The following TRIM10 variants were observed in gnomAD, a reference collection of about 807,000 sequenced individuals.
TRIM10 encodes the protein tripartite motif-containing protein 10.
A neutral mutation model predicts 40.0 loss-of-function variants in TRIM10; 42 were observed. The observed-to-expected ratio is 1.05, with a 90% CI of 0.82 to 1.36. TRIM10 has a LOEUF of 1.36. Among genes scored for constraint, TRIM10 ranks in the 40% most tolerant of loss-of-function variants. TRIM10 has a pLI of 0.00. For missense variants in TRIM10, 601 were observed against 608.3 expected, an observed-to-expected ratio of 0.99 and a Z score of 0.13; for synonymous variants, 260 against 239.5, an observed-to-expected ratio of 1.09 and a Z score of -0.79.
chr6:30,153,721 T>C lies in TRIM10; in HGVS notation c.*248A>G. 6.2e-7 allele frequency: 1 copy of C among 1,612,932 alleles called. No homozygotes were observed. Among genetic ancestry groups the C allele is most frequent in the East Asian group, 2.2e-5 (1 of 44,876 alleles). Reference sequence around the variant, plus strand: ...CTACTTCTGTGCCAAGCACGGATGGTGGTGAGCAGAACTGGCAGCAGCCTG... The same window carrying C: ...CTACTTCTGTGCCAAGCACGGATGGCGGTGAGCAGAACTGGCAGCAGCCTG... On this transcript the variant is annotated 3_prime_UTR_variant, in exon 7 of 7. Coordinates refer to ENST00000449742, the MANE Select transcript of TRIM10 (RefSeq NM_006778.4).
upstream of TRIM10, chr6:30,163,676 G>A (rs778954130): frequency 1.1e-5 from 17 of 1,593,172 alleles, 1 homozygote; most frequent in South Asian, 1.9e-4. Flanking sequence ...GGCTGGGGAA[G>A]GCACCGTGAT....
At position 30,156,040 on chromosome 6, in the gene TRIM10, C is replaced by T. The variant is rs373366291; in HGVS notation, c.896-281G>A. Among the ~76,000 whole-genome samples, 49 of 152,314 alleles carry T rather than the reference C, an allele frequency of 3.2e-4. 2 individuals carry two copies. In the East Asian group the frequency reaches 4.2e-3, roughly 13 times the overall value. On this transcript the variant is annotated intron_variant, in intron 5 of 6. Coordinates refer to ENST00000449742, the MANE Select transcript of TRIM10 (RefSeq NM_006778.4). ...GCTGCTGCTGGTGGGAGCCCCACTGCCCTAGCCCTGATCAAACAGGGACCA... is the reference window on the plus strand; with the variant it reads ...GCTGCTGCTGGTGGGAGCCCCACTGTCCTAGCCCTGATCAAACAGGGACCA...
rs367851231 is a variant in TRIM10 at position 30,156,929 on chromosome 6, G to A, written c.895+10C>T. 4.1e-3 allele frequency: 6,603 copies of A among 1,612,242 alleles called. 27 individuals carry two copies. The highest frequency in any genetic ancestry group is 5.1e-3 in the Non-Finnish European group (6,017 of 1,179,362). On this transcript the variant is annotated intron_variant, in intron 5 of 6. Transcript: ENST00000449742. ...CACCTGCGCTCTGTGGAGGCCTGGGGTTCTCTTACCCAGAAACATCTTCAT... is the reference window on the plus strand; with the variant it reads ...CACCTGCGCTCTGTGGAGGCCTGGGATTCTCTTACCCAGAAACATCTTCAT...
chr6:30,160,819 CT>C lies in TRIM10; in HGVS notation c.39del (p.Val14SerfsTer10). On this transcript the variant is annotated frameshift_variant, in exon 1 of 7. Coordinates refer to ENST00000449742, the MANE Select transcript of TRIM10 (RefSeq NM_006778.4). LOFTEE classifies it high-confidence loss of function. ...GTACCCTGACAGATGGGGCAGTTGA[CT>C]TCATCTGCCAGGCTGGTCACAGAGG... ...SAASVTSLADEVNCPICQGTL... is the reference protein window; with the variant it reads ...SAASVTSLADXVNCPICQGTL... 1 of 1,613,418 alleles carries C rather than the reference CT, an allele frequency of 6.2e-7. No homozygotes were observed. Among genetic ancestry groups the C allele is most frequent in the Non-Finnish European group, 8.5e-7 (1 of 1,179,946 alleles).
At chr6:30,154,608 C>G (rs1349083017) in intron 6 of TRIM10, 122 bp from the exon 7 acceptor site, 1 of 1,269,826 alleles carries the variant, frequency 7.9e-7, no homozygotes, top group Admixed American at 1.9e-5. Context: ...TGTATAGTGC[C>G]TACGTGGGCC....
chr6:30,159,114 G>A, intron 2 of TRIM10, 36 bp downstream of exon 2: 1 of 1,414,934 alleles, frequency 7.1e-7, no homozygotes, highest in Non-Finnish European at 1.0e-6. Flanking sequence ...GGACCCTGAG[G>A]AAGGGGAGGA....
At chr6:30,159,342 A>G (rs1581578044) in intron 1 of TRIM10, 97 bp from the exon 2 acceptor site, 1 of 805,980 alleles carries the variant, frequency 1.2e-6, no homozygotes, top group Non-Finnish European at 2.1e-6. Context: ...AAATGGCCCC[A>G]GGAGAGGAGT....
rs530257581 is a variant in TRIM10, at chr6:30,152,318, C to G, written c.*1651G>C. 3.1e-4 allele frequency: 47 copies of G among 150,372 alleles called. No homozygotes were observed. Among genetic ancestry groups the G allele is most frequent in the African/African-American group, 1.1e-3 (47 of 41,260 alleles). The allele number at this position is 150,372 out of a possible 1,614,324, so 9.3% of individuals were successfully genotyped here. A position where few individuals can be genotyped will look rare whatever the true frequency, so the allele number is the denominator to read the frequency against. ...AGGATAATAGTCCTTTCAAAAGACA[C>G]AGCTAAAGCCAATAAAAATAAACAA... On this transcript the variant is annotated 3_prime_UTR_variant, in exon 7 of 7. Coordinates refer to ENST00000449742, the MANE Select transcript of TRIM10 (RefSeq NM_006778.4).
At chr6:30,160,396 T>G (rs1280651455) in intron 1 of TRIM10, 34 bp downstream of exon 1, 2 of 1,596,366 alleles carry the variant, frequency 1.3e-6, no homozygotes, top group Non-Finnish European at 1.7e-6. Flanking sequence ...TCCAGTCCAG[T>G]CCACCCTGGG....
intron 5 of TRIM10, chr6:30,156,716 C>A: frequency 1.5e-6 from 1 of 646,046 alleles, no homozygotes; most frequent in Non-Finnish European, 2.8e-6. Context: ...ATTTTAAAAT[C>A]AGTTTAACTT....
At position 30,152,283 on chromosome 6, in the gene TRIM10, T is replaced by C. The variant is rs1772079499; in HGVS notation, c.*1686A>G. The C allele has an allele frequency of 6.6e-6, 1 of 152,178 alleles. No homozygotes were observed. Among genetic ancestry groups the C allele is most frequent in the Admixed American group, 6.5e-5 (1 of 15,282 alleles). The allele number at this position is 152,178 out of a possible 1,614,324, so 9.4% of individuals were successfully genotyped here. A position where few individuals can be genotyped will look rare whatever the true frequency, so the allele number is the denominator to read the frequency against. ...CTGCAAGCCAGGATCTTCATACACA[T>C]ACATTTTAGAGGATAATAGTCCTTT... On this transcript the variant is annotated 3_prime_UTR_variant, in exon 7 of 7. Transcript: ENST00000449742.
chr6:30,153,882 C>T lies in TRIM10; in HGVS notation c.*87G>A. On this transcript the variant is annotated 3_prime_UTR_variant, in exon 7 of 7. Transcript: ENST00000449742. ...GCAGTCATTTCTATTCCAAGTCATCCAGGTGATTCAGCCAGGGATCAAGTC... is the reference window on the plus strand; with the variant it reads ...GCAGTCATTTCTATTCCAAGTCATCTAGGTGATTCAGCCAGGGATCAAGTC... The T allele has an allele frequency of 1.9e-6, 3 of 1,589,838 alleles. No homozygotes were observed. The highest frequency in any genetic ancestry group is 2.2e-5 in the East Asian group (1 of 44,520).
intron 2 of TRIM10, 129 bp from the exon 3 acceptor site, chr6:30,158,758 C>A: frequency 5.1e-6 from 4 of 781,148 alleles, no homozygotes; most frequent in South Asian, 1.6e-5. Context: ...CATCCCATTT[C>A]GAGAAGCAAG....
At chr6:30,154,880 C>T (rs2523735) in intron 6 of TRIM10, among the ~76,000 whole-genome samples, 2 of 152,100 alleles carry the variant, frequency 1.3e-5, no homozygotes, top group African/African-American at 4.8e-5. Flanking sequence ...CTCTATCCCA[C>T]AGTGCAGCGA....
rs12210298 is a variant in TRIM10 at position 30,153,748 on chromosome 6, G to A, written c.*221C>T. 62,257 of 1,613,000 alleles carry A rather than the reference G, an allele frequency of 0.039. 1,437 individuals carry two copies. Among genetic ancestry groups the A allele is most frequent in the Middle Eastern group, 0.085 (513 of 6,062 alleles). On this transcript the variant is annotated 3_prime_UTR_variant, in exon 7 of 7. Transcript: ENST00000449742. ...GTGAGCAGAACTGGCAGCAGCCTGA[G>A]TCCCCAGGTACCCTGGCCATCCACT...
intron 6 of TRIM10, chr6:30,154,690 G>A: frequency 2.7e-6 from 2 of 734,856 alleles, no homozygotes; most frequent in South Asian, 1.5e-5. Context: ...AGATGCCCAG[G>A]TGATTTGCAC....
chr6:30,160,365 C>A (rs1223605003), intron 1 of TRIM10, 65 bp downstream of exon 1: 1 of 1,539,616 alleles, frequency 6.5e-7, no homozygotes, highest in Non-Finnish European at 8.8e-7. Flanking sequence ...AAATAATCCA[C>A]AACTCTGCTG....
In TRIM10 at chr6:30,160,907, C is replaced by T. The variant is rs1773038490; in HGVS notation, c.-49G>A. 1.3e-6 allele frequency: 2 copies of T among 1,524,492 alleles called. No individual in the cohort carries two copies. The highest frequency in any genetic ancestry group is 2.5e-5 in the South Asian group (2 of 79,914). 94.4% of individuals were successfully genotyped at this position (1,524,492 alleles called of 1,614,324 possible). ...CTCAAGGCCACTCTCTCTGCTTGGC[C>T]ACGGGGGAAGGGCTGGGTCACACAC... On this transcript the variant is annotated 5_prime_UTR_variant, in exon 1 of 7. Coordinates refer to ENST00000449742, the MANE Select transcript of TRIM10 (RefSeq NM_006778.4).
At chr6:30,162,152 T>C (rs544996595), upstream of TRIM10, among the ~76,000 whole-genome samples, 1 of 151,850 alleles carries the variant, frequency 6.6e-6, no homozygotes, top group African/African-American at 2.4e-5. Context: ...GGCCGGCGCC[T>C]GTAGTCCCAG....
Sources: gnomAD v4.1 joint callset for allele counts (sites outside exome capture counted in the v4.1 genomes callset) on GRCh38, gnomAD v4.1.1 for gene constraint, MANE v1.5 for transcripts, NCBI Gene and HGNC (gene_info 2026-07-23, HGNC 2026-07-21) for gene names.